Variants in RPS6KA6 observed in about 807,000 individuals in gnomAD.
The protein encoded by RPS6KA6 is ribosomal protein S6 kinase A6.
In RPS6KA6, 27 loss-of-function variants were observed where a neutral mutation model predicts 65.4. The observed-to-expected ratio is 0.41, with a 90% CI of 0.30 to 0.57. RPS6KA6 has a LOEUF of 0.57. RPS6KA6 is among the 20% of genes least tolerant of loss of function. The probability of loss-of-function intolerance (pLI) is 0.24; values close to 1 mark genes in which losing one functional copy is unlikely to be tolerated. For synonymous variants in RPS6KA6, 190 were observed against 184.2 expected (o/e 1.03, Z -0.26); for missense variants, 486 against 555.6 (o/e 0.87, Z 1.26).
At chrX:84,171,397 CT>C (rs2035680998) in intron 1 of RPS6KA6, among the ~76,000 whole-genome samples, 1 of 111,678 alleles carries the variant, frequency 9.0e-6, no homozygotes. Context: ...AAATTCTCCC[CT>C]GAAACAGACT....
Position 84,106,435 on chromosome X carries a change from A to T in RPS6KA6, c.1295T>A (p.Ile432Asn). Residue 432 changes from isoleucine to asparagine, a missense_variant, in exon 15 of 22, where the codon ATT becomes AAT. Around this residue, in one of 3 missense-constraint regions of RPS6KA6, gnomAD observed 345 missense variants for 375.0 expected, o/e 0.92. Coordinates refer to ENST00000262752, the MANE Select transcript of RPS6KA6 (RefSeq NM_014496.5). ...FGEVYELKED[I>N]GVGSYSVCKR... is the part of the protein sequence containing the mutation. ...GCAAACAGAGTAGGAGCCAACACCA[A>T]TATCCTCCTTCAATTCATATACTTC... is the stretch of plus-strand genomic sequence containing the variant. 1 of 1,178,075 alleles carries T rather than the reference A, an allele frequency of 8.5e-7. No homozygotes were observed. The highest frequency in any genetic ancestry group is 1.2e-6 in the Non-Finnish European group (1 of 868,512).
At chrX:84,114,943 T>A (rs1188133408) in intron 12 of RPS6KA6, among the ~76,000 whole-genome samples, 2 of 111,860 alleles carry the variant, frequency 1.8e-5, no homozygotes, top group Non-Finnish European at 3.8e-5. Flanking sequence ...TCTCTCACTG[T>A]TTACAATAAT....
chrX:84,103,488 C>G (rs1461475074), intron 17 of RPS6KA6, among the ~76,000 whole-genome samples: 2 of 111,186 alleles, frequency 1.8e-5, no homozygotes, highest in African/African-American at 6.5e-5. Flanking sequence ...TATGCTAAAG[C>G]TCTTTAAGGA....
chrX:84,088,848 C>G (rs1033052457), intron 20 of RPS6KA6, among the ~76,000 whole-genome samples: 1 of 111,997 alleles, frequency 8.9e-6, no homozygotes, highest in African/African-American at 3.2e-5. Context: ...ATAGGGAGGC[C>G]CCGCCCAGTG....
chrX:84,163,152 G>A (rs993409819), intron 2 of RPS6KA6, among the ~76,000 whole-genome samples: 3 of 111,414 alleles, frequency 2.7e-5, no homozygotes, highest in Non-Finnish European at 5.6e-5. Flanking sequence ...AAAGGATAAT[G>A]TTCTCCTCAT....
At chrX:84,112,807 T>C (rs2034492205) in intron 12 of RPS6KA6, among the ~76,000 whole-genome samples, 1 of 110,975 alleles carries the variant, frequency 9.0e-6, no homozygotes. Flanking sequence ...AGACAAAAAA[T>C]AACTAAGTCT....
At chrX:84,164,436 G>A in intron 1 of RPS6KA6, 49 bp from the exon 2 acceptor site, 1 of 888,041 alleles carries the variant, frequency 1.1e-6, no homozygotes, top group Non-Finnish European at 1.6e-6. Flanking sequence ...TAAAACAAGA[G>A]TGATAACTAA....
intron 20 of RPS6KA6, among the ~76,000 whole-genome samples, chrX:84,092,448 A>G (rs2034065572): frequency 9.1e-6 from 1 of 109,631 alleles, no homozygotes; most frequent in Admixed American, 9.8e-5. Context: ...ATGATGAAAG[A>G]TCATCTCTAC....
chrX:84,174,358 C>G (rs763028425), intron 1 of RPS6KA6, among the ~76,000 whole-genome samples: 1 of 111,723 alleles, frequency 9.0e-6, no homozygotes, highest in Non-Finnish European at 1.9e-5. Flanking sequence ...GTTTGAAATA[C>G]ACCCACCTAA....
chrX:84,169,971 G>T (rs1206612117), intron 1 of RPS6KA6, among the ~76,000 whole-genome samples: 1 of 109,781 alleles, frequency 9.1e-6, no homozygotes, highest in Non-Finnish European at 1.9e-5. Context: ...AGGAGCTCGA[G>T]ATCAGTCTGG....
intron 17 of RPS6KA6, among the ~76,000 whole-genome samples, 188 bp downstream of exon 17, chrX:84,104,311 G>A (rs917654718): frequency 9.0e-6 from 1 of 110,823 alleles, no homozygotes; most frequent in African/African-American, 3.3e-5. Context: ...TTAAATCAGG[G>A]CCAATTGGCA....
At chrX:84,095,878 G>A (rs1198327709) in intron 20 of RPS6KA6, among the ~76,000 whole-genome samples, 1 of 111,325 alleles carries the variant, frequency 9.0e-6, no homozygotes, top group Non-Finnish European at 1.9e-5. Flanking sequence ...GGAAATACAT[G>A]GTAAATCTAG....
intron 14 of RPS6KA6, among the ~76,000 whole-genome samples, 192 bp downstream of exon 14, chrX:84,106,718 C>T (rs775353090): frequency 3.6e-5 from 4 of 111,279 alleles, no homozygotes; most frequent in Non-Finnish European, 5.7e-5. Context: ...AAAGAGGCCA[C>T]ATAAATATAA....
At chrX:84,150,736 G>A (rs1400292896) in intron 3 of RPS6KA6, among the ~76,000 whole-genome samples, 2 of 105,416 alleles carry the variant, frequency 1.9e-5, no homozygotes, top group Admixed American at 2.1e-4. Flanking sequence ...ATAACAGTAA[G>A]GAAAACATTT....
Position 84,084,036 on chromosome X carries a change from T to A in RPS6KA6, c.1971+12158A>T, listed in dbSNP as rs746239261. Among the ~76,000 whole-genome samples, 6 of 112,413 alleles carry A rather than the reference T, an allele frequency of 5.3e-5. No homozygotes were observed. The East Asian group carries it at 1.4e-3, about 26-fold the overall frequency. On this transcript the variant is annotated intron_variant, in intron 20 of 21. Coordinates refer to ENST00000262752, the MANE Select transcript of RPS6KA6 (RefSeq NM_014496.5). Reference sequence around the variant, plus strand: ...AATGTCTTCTTTTGAGAAGTGTCTGTTCTTCTCCTTTGACAACTTTTGAAT... The same window carrying A: ...AATGTCTTCTTTTGAGAAGTGTCTGATCTTCTCCTTTGACAACTTTTGAAT...
At chrX:84,103,055 A>C (rs764264028) in intron 17 of RPS6KA6, among the ~76,000 whole-genome samples, 43 of 111,391 alleles carry the variant, frequency 3.9e-4, no homozygotes, top group Non-Finnish European at 7.0e-4. Flanking sequence ...TTACCCACTT[A>C]AACAAATGAA....
intron 8 of RPS6KA6, among the ~76,000 whole-genome samples, chrX:84,120,801 A>G (rs1161483482): frequency 1.8e-5 from 2 of 111,983 alleles, no homozygotes; most frequent in African/African-American, 6.5e-5. Context: ...GTAGAAATCA[A>G]TAAGCTGATT....
intron 17 of RPS6KA6, 23 bp from the exon 18 acceptor site, chrX:84,102,221 A>G (rs899169235): frequency 6.1e-6 from 5 of 818,041 alleles, no homozygotes; most frequent in Non-Finnish European, 8.3e-6. Context: ...GGAAAAAAGC[A>G]TTATATCTAT....
intron 8 of RPS6KA6, among the ~76,000 whole-genome samples, chrX:84,123,578 T>C (rs1212188482): frequency 1.8e-5 from 2 of 112,381 alleles, no homozygotes; most frequent in Non-Finnish European, 1.9e-5. Flanking sequence ...CTGGTGCTGA[T>C]GGCTATAGGG....
Sources: gnomAD v4.1 joint callset for allele counts (sites outside exome capture counted in the v4.1 genomes callset) on GRCh38, gnomAD v4.1.1 for gene constraint, gnomAD v4.1.1 regional missense constraint, MANE v1.5 for transcripts, NCBI Gene and HGNC (gene_info 2026-07-23, HGNC 2026-07-21) for gene names.